Variants in DLC1 observed in about 807,000 individuals in gnomAD.
DLC1 encodes the protein DLC1 Rho GTPase activating protein, also known as rho GTPase-activating protein 7.
DLC1 carries 54 observed loss-of-function variants against 140.3 expected under a neutral mutation model. That is an observed-to-expected ratio of 0.38 (90% confidence interval 0.31 to 0.48). The LOEUF (loss-of-function observed/expected upper bound fraction) is 0.48, where lower values mean the gene tolerates loss of function less well. DLC1 is among the 20% of genes least tolerant of loss of function. The pLI, the probability that DLC1 is intolerant of heterozygous loss-of-function variation, is 0.96. For synonymous variants in DLC1, 986 were observed against 728.1 expected (o/e 1.35, Z -5.70); for missense variants, 2,536 against 1,907.0 (o/e 1.33, Z -6.14).
chr8:13,466,048 C>T (rs982635846), intron 2 of DLC1, among the ~76,000 whole-genome samples: 2 of 152,192 alleles, frequency 1.3e-5, no homozygotes, highest in Non-Finnish European at 2.9e-5. Context: ...TGACTCACCC[C>T]ACTGATGTCC....
chr8:13,173,304 CTAAT>C (rs1825583460), intron 5 of DLC1, among the ~76,000 whole-genome samples: 1 of 149,122 alleles, frequency 6.7e-6, no homozygotes, highest in Admixed American at 6.7e-5. Flanking sequence ...CGAGAGCAGT[CTAAT>C]TATTTAACTT....
intron 5 of DLC1, among the ~76,000 whole-genome samples, chr8:13,202,017 CTCA>C (rs1299558366): frequency 6.1e-5 from 9 of 147,886 alleles, no homozygotes; most frequent in African/African-American, 2.3e-4. Context: ...GCGATCTCGG[CTCA>C]CTGCAACCTC....
upstream of DLC1, among the ~76,000 whole-genome samples, chr8:13,519,804 T>C (rs1475286999): frequency 3.3e-5 from 5 of 152,126 alleles, no homozygotes; most frequent in Non-Finnish European, 7.4e-5. Flanking sequence ...CATCAAATAA[T>C]GGGCAAAAGA....
chr8:13,541,056 T>A (rs761569617), intron 1 of DLC1, among the ~76,000 whole-genome samples: 2 of 152,234 alleles, frequency 1.3e-5, no homozygotes, highest in African/African-American at 2.4e-5. Flanking sequence ...AGTTATAATT[T>A]ACATACAAGA....
At chr8:13,311,497 T>A (rs774726784) in intron 4 of DLC1, among the ~76,000 whole-genome samples, 2 of 152,222 alleles carry the variant, frequency 1.3e-5, no homozygotes, top group Non-Finnish European at 2.9e-5. Context: ...GAAATATTAA[T>A]AAATGCACAC....
At chr8:13,319,819 C>CTTTTTTTTTTTTTTTTTTTTTT (rs547737556) in intron 4 of DLC1, among the ~76,000 whole-genome samples, 1 of 76,150 alleles carries the variant, frequency 1.3e-5, no homozygotes, top group African/African-American at 4.9e-5. Context: ...TTCTCTCTCT[C>CTTTTTTTTTTTTTTTTTTTTTT]TCTTTTTTTT....
intron 4 of DLC1, among the ~76,000 whole-genome samples, chr8:13,349,999 G>A (rs1215794003): frequency 6.6e-6 from 1 of 152,120 alleles, no homozygotes; most frequent in Non-Finnish European, 1.5e-5. Flanking sequence ...GAGACATATT[G>A]GGAATTAAGT....
intron 5 of DLC1, among the ~76,000 whole-genome samples, chr8:13,238,370 G>A (rs1252476044): frequency 2.0e-5 from 3 of 152,006 alleles, no homozygotes; most frequent in East Asian, 1.9e-4. Context: ...AAAAATAGCT[G>A]GGCATGGTGA....
chr8:13,569,233 A>G (rs1804558943), intron 1 of DLC1, among the ~76,000 whole-genome samples: 1 of 152,218 alleles, frequency 6.6e-6, no homozygotes, highest in Non-Finnish European at 1.5e-5. Flanking sequence ...TCACTTTTCT[A>G]CATGTCCAAC....
chr8:13,293,403 GGGTGGAAGATGTTCTCT>G (rs1308334701), intron 5 of DLC1, among the ~76,000 whole-genome samples: 1 of 152,192 alleles, frequency 6.6e-6, no homozygotes, highest in Non-Finnish European at 1.5e-5. Flanking sequence ...GAAAGAGACG[GGGTGGAAGATGTTCTCT>G]GGTGGAAGAA....
At chr8:13,350,503 G>T (rs934853881) in intron 4 of DLC1, among the ~76,000 whole-genome samples, 3 of 152,072 alleles carry the variant, frequency 2.0e-5, no homozygotes, top group African/African-American at 7.2e-5. Flanking sequence ...ATCGCTTGAG[G>T]TCAGGAGTTT....
chr8:13,226,240 C>T (rs947824566), intron 5 of DLC1, among the ~76,000 whole-genome samples: 13 of 152,110 alleles, frequency 8.5e-5, no homozygotes, highest in Middle Eastern at 3.2e-3. Context: ...ATGTAATACT[C>T]TTTGGTTAAT....
chr8:13,601,584 G>A (rs1563468708), intron 1 of DLC1, among the ~76,000 whole-genome samples: 1 of 150,612 alleles, frequency 6.6e-6, no homozygotes, highest in Admixed American at 6.6e-5. Context: ...ATGAAGCTGG[G>A]ATATGAGATG....
intron 4 of DLC1, among the ~76,000 whole-genome samples, chr8:13,322,384 G>A (rs1729138): frequency 0.85 from 129,596 of 152,032 alleles, 55,697 homozygotes; most frequent in East Asian, 0.95. Flanking sequence ...AAGTATGATA[G>A]TATTTATATT....
chr8:13,100,494 T>A lies in DLC1; in HGVS notation c.1843A>T (p.Thr615Ser), dbSNP rs1247578694. Residue 615 changes from threonine (T) to serine (S), a missense_variant, in exon 9 of 18, where the codon ACC becomes TCC. Coordinates refer to ENST00000276297, the MANE Select transcript of DLC1 (RefSeq NM_182643.3). ...SHAPPSEDAA[T>S]PRTNSVISVC... ...CTGATGACGGAGTTAGTCCGGGGGG[T>A]GGCAGCATCCTCGCTGGGGGGCGCG... 1.9e-6 allele frequency: 3 copies of A among 1,612,042 alleles called. No homozygotes were observed. Among genetic ancestry groups the A allele is most frequent in the Non-Finnish European group, 2.5e-6 (3 of 1,179,804 alleles).
chr8:13,414,998 G>T (rs913669785), intron 2 of DLC1, among the ~76,000 whole-genome samples: 3 of 152,018 alleles, frequency 2.0e-5, no homozygotes, highest in African/African-American at 7.3e-5. Flanking sequence ...ATTTATAGTA[G>T]AGACATGGTT....
chr8:13,308,490 T>C (rs898264498), intron 4 of DLC1, among the ~76,000 whole-genome samples: 1 of 152,346 alleles, frequency 6.6e-6, no homozygotes, highest in Non-Finnish European at 1.5e-5. Flanking sequence ...TGAATAAATA[T>C]ATTACATTGT....
intron 3 of DLC1, among the ~76,000 whole-genome samples, 197 bp from the exon 4 acceptor site, chr8:13,393,890 C>G (rs748049621): frequency 6.6e-6 from 1 of 152,196 alleles, no homozygotes; most frequent in Non-Finnish European, 1.5e-5. Flanking sequence ...ATCAGAGGGT[C>G]TGCAAATACT....
At chr8:13,240,607 G>T (rs979548087) in intron 5 of DLC1, among the ~76,000 whole-genome samples, 5 of 151,698 alleles carry the variant, frequency 3.3e-5, no homozygotes, top group Non-Finnish European at 5.9e-5. Flanking sequence ...TGTATTTTTT[G>T]ATTTTTGTAG....
Sources: gnomAD v4.1 joint callset for allele counts (sites outside exome capture counted in the v4.1 genomes callset) on GRCh38, gnomAD v4.1.1 for gene constraint, MANE v1.5 for transcripts, NCBI Gene and HGNC (gene_info 2026-07-23, HGNC 2026-07-21) for gene names.